GRAMD1C: variants seen among roughly 807,000 people sequenced by gnomAD.
GRAMD1C encodes GRAM domain containing 1C, also known as protein Aster-C.
A neutral mutation model predicts 97.8 loss-of-function variants in GRAMD1C; 89 were observed. The ratio of observed to expected loss-of-function variants is 0.91; its 90% confidence interval spans 0.77 to 1.09. The LOEUF is 1.09. Ranked by LOEUF, GRAMD1C falls within the 50% of genes least tolerant of loss-of-function variation. The pLI, the probability that GRAMD1C is intolerant of heterozygous loss-of-function variation, is 0.00. For missense variants in GRAMD1C, 740 were observed against 766.4 expected (o/e 0.97, Z 0.41); for synonymous variants, 256 against 267.0 (o/e 0.96, Z 0.40).
At chr3:113,887,793 A>T (rs1402352342) in intron 6 of GRAMD1C, among the ~76,000 whole-genome samples, 2 of 151,680 alleles carry the variant, frequency 1.3e-5, no homozygotes, top group Admixed American at 6.6e-5. Flanking sequence ...TGTAAAATTT[A>T]GGACTGAAAG....
intron 3 of GRAMD1C, among the ~76,000 whole-genome samples, chr3:113,870,666 G>A (rs184240937): frequency 8.5e-5 from 13 of 152,128 alleles, no homozygotes; most frequent in African/African-American, 3.1e-4. Context: ...TACAAAATAT[G>A]TGCTTATTCC....
chr3:113,835,658 G>A (rs147180164), upstream of GRAMD1C, among the ~76,000 whole-genome samples: 3 of 152,180 alleles, frequency 2.0e-5, no homozygotes, highest in African/African-American at 7.2e-5. Flanking sequence ...GGAATAAAGT[G>A]AAGCTAAAGC....
chr3:113,896,241 G>A (rs571214401), intron 6 of GRAMD1C, among the ~76,000 whole-genome samples: 3 of 152,080 alleles, frequency 2.0e-5, no homozygotes, highest in African/African-American at 7.2e-5. Flanking sequence ...TTGACCTTTC[G>A]GCAGCGTTAG....
At chr3:113,829,407 A>G (rs533659879) in intron 1 of GRAMD1C, among the ~76,000 whole-genome samples, 93 of 152,268 alleles carry the variant, frequency 6.1e-4, no homozygotes, top group African/African-American at 2.1e-3. Flanking sequence ...TCATGCCACT[A>G]CACTTTAGCT....
intron 6 of GRAMD1C, among the ~76,000 whole-genome samples, chr3:113,895,642 C>T (rs6800361): frequency 0.026 from 3,942 of 152,224 alleles, 173 homozygotes; most frequent in African/African-American, 0.09. Context: ...CTATTTGTCA[C>T]GTTTGCTATG....
At chr3:113,885,201 C>T (rs1342899061) in intron 6 of GRAMD1C, 1 of 718,634 alleles carries the variant, frequency 1.4e-6, no homozygotes, top group Non-Finnish European at 2.3e-6. Context: ...CCACTTGGGG[C>T]CCCCGTTCCC....
chr3:113,927,678 C>T lies in GRAMD1C; in HGVS notation c.1091-3036C>T, dbSNP rs550164353. On this transcript the variant is annotated intron_variant, in intron 10 of 17. Transcript: ENST00000358160. ...GGGCTGGACACTCTAGCAGGCATGGCCTGTCTGGCTACCAGCAGCAGGGAT... is the reference window on the plus strand; with the variant it reads ...GGGCTGGACACTCTAGCAGGCATGGTCTGTCTGGCTACCAGCAGCAGGGAT... Among the ~76,000 whole-genome samples, 366 of 152,302 alleles carry T rather than the reference C, an allele frequency of 2.4e-3. 1 individual carries two copies. The highest frequency in any genetic ancestry group is 8.4e-3 in the African/African-American group (349 of 41,572).
chr3:113,829,160 C>A (rs1396804101), intron 1 of GRAMD1C, among the ~76,000 whole-genome samples: 1 of 152,146 alleles, frequency 6.6e-6, no homozygotes, highest in Non-Finnish European at 1.5e-5. Context: ...CAGTGGCTCA[C>A]ATCTGTAATC....
At chr3:113,894,708 T>G (rs996539097) in intron 6 of GRAMD1C, among the ~76,000 whole-genome samples, 1 of 152,216 alleles carries the variant, frequency 6.6e-6, no homozygotes, top group African/African-American at 2.4e-5. Context: ...CAGGGTCTAA[T>G]AGAGCAGAAA....
intron 2 of GRAMD1C, among the ~76,000 whole-genome samples, chr3:113,863,966 A>T (rs1419155394): frequency 6.6e-6 from 1 of 152,172 alleles, no homozygotes; most frequent in East Asian, 1.9e-4. Flanking sequence ...ATGCTCTACC[A>T]CATGGTCAGG....
intron 1 of GRAMD1C, among the ~76,000 whole-genome samples, chr3:113,842,642 T>C (rs570953650): frequency 6.6e-6 from 1 of 152,206 alleles, no homozygotes; most frequent in African/African-American, 2.4e-5. Flanking sequence ...GCTTCCCCCA[T>C]GGCAATGGTT....
In GRAMD1C at chr3:113,909,077, T is replaced by A; in HGVS notation, c.909T>A (p.Tyr303Ter). The change falls in exon 9 of 18, where the codon TAT (tyrosine) becomes TAA (stop). Residue 303 changes from tyrosine to a stop codon, truncating the protein, a stop_gained. Transcript: ENST00000358160. LOFTEE classifies it high-confidence loss of function. Reference protein sequence around the residue: ...SKSLDLNKNEYLSLDKSSTSD... With the variant: ...SKSLDLNKNE ...CACTGGACTTGAATAAAAATGAATA[T>A]CTTTCTCTGGACAAAAGCAGCACTT... 6.4e-7 allele frequency: 1 copy of A among 1,556,544 alleles called. No individual in the cohort carries two copies. Among genetic ancestry groups the A allele is most frequent in the Non-Finnish European group, 8.7e-7 (1 of 1,152,312 alleles).
chr3:113,876,222 A>T lies in GRAMD1C; in HGVS notation c.421A>T (p.Ile141Phe). Residue 141 changes from isoleucine (I) to phenylalanine (F), a missense_variant, in exon 5 of 18, where the codon ATC becomes TTC. Coordinates refer to ENST00000358160, the MANE Select transcript of GRAMD1C (RefSeq NM_017577.5). The stretch of plus-strand genomic sequence containing the variant: ...GACCAAGGAAAAAACTGCTCGACTC[A>T]TCCCAAACGCTATCCAGATAGTTAC... ...FMTKEKTARL[I>F]PNAIQIVTES... 6.2e-7 allele frequency: 1 copy of T among 1,600,192 alleles called. No homozygotes were observed.
intron 11 of GRAMD1C, among the ~76,000 whole-genome samples, chr3:113,932,592 A>G (rs1559823126): frequency 6.6e-6 from 1 of 151,950 alleles, no homozygotes; most frequent in South Asian, 2.1e-4. Flanking sequence ...AACACTTAAA[A>G]CTCTATAAAC....
At chr3:113,879,788 G>C (rs1464772696) in intron 5 of GRAMD1C, among the ~76,000 whole-genome samples, 1 of 149,864 alleles carries the variant, frequency 6.7e-6, no homozygotes, top group Non-Finnish European at 1.5e-5. Context: ...CCACCTCCCA[G>C]GTTCAAGCAA....
rs1934601657 is a variant in GRAMD1C at position 113,866,801 on chromosome 3, A to G, written c.175-2706A>G. Among the ~76,000 whole-genome samples, 2 of 151,730 alleles carry G rather than the reference A, an allele frequency of 1.3e-5. 1 individual carries two copies. Among genetic ancestry groups the G allele is most frequent in the Admixed American group, 1.3e-4 (2 of 15,194 alleles). On this transcript the variant is annotated intron_variant, in intron 2 of 17. Coordinates refer to ENST00000358160, the MANE Select transcript of GRAMD1C (RefSeq NM_017577.5). ...TATTATCCCATAAACCCAGCAATAC[A>G]GTGTTATGATTACTGCTTTGTAGAC...
At chr3:113,919,493 A>T (rs1478643144) in intron 10 of GRAMD1C, 1 of 531,730 alleles carries the variant, frequency 1.9e-6, no homozygotes, top group Non-Finnish European at 3.8e-6. Context: ...TATAAACCTA[A>T]TGAAAGAACT....
upstream of GRAMD1C, among the ~76,000 whole-genome samples, chr3:113,836,851 C>A (rs2108062263): frequency 6.6e-6 from 1 of 152,160 alleles, no homozygotes. Context: ...ACCATGTTGG[C>A]CAGGTTGGTC....
intron 17 of GRAMD1C, among the ~76,000 whole-genome samples, chr3:113,943,217 C>T (rs770759195): frequency 6.6e-6 from 1 of 152,180 alleles, no homozygotes; most frequent in African/African-American, 2.4e-5. Context: ...AAAGAATGTA[C>T]CTTTTTTCAG....
Sources: allele counts gnomAD v4.1 joint callset (sites outside exome capture counted in the v4.1 genomes callset), GRCh38; gene constraint gnomAD v4.1.1; transcripts MANE v1.5; gene names NCBI Gene and HGNC (gene_info 2026-07-23, HGNC 2026-07-21).